EDARADD: variants seen among roughly 807,000 people sequenced by gnomAD.
The protein encoded by EDARADD is EDAR associated via death domain.
A neutral mutation model predicts 25.6 loss-of-function variants in EDARADD; 20 were observed. The observed-to-expected ratio is 0.78, with a 90% CI of 0.55 to 1.14. The LOEUF (loss-of-function observed/expected upper bound fraction) is 1.14. Ranked by LOEUF, EDARADD falls within the 50% of genes most tolerant of loss-of-function variation. The probability of loss-of-function intolerance (pLI) is 0.00; values close to 1 mark genes in which losing one functional copy is unlikely to be tolerated. For synonymous variants in EDARADD, 86 were observed against 94.4 expected (o/e 0.91, Z 0.52); for missense variants, 225 against 270.1 (o/e 0.83, Z 1.17).
chr1:236,370,916 T>A (rs1469742610), intron 3 of EDARADD, among the ~76,000 whole-genome samples: 1 of 152,246 alleles, frequency 6.6e-6, no homozygotes, highest in East Asian at 1.9e-4. Context: ...ACTAAGTTTC[T>A]TTCAAAGTTA....
At chr1:236,412,451 C>T (rs549120646) in intron 2 of EDARADD, among the ~76,000 whole-genome samples, 24 of 152,292 alleles carry the variant, frequency 1.6e-4, no homozygotes, top group Middle Eastern at 3.4e-3. Context: ...TTCCCGAGAA[C>T]CTAGAAGGGC....
chr1:236,363,971 G>T (rs649454), intron 3 of EDARADD, among the ~76,000 whole-genome samples: 52,071 of 151,648 alleles, frequency 0.34, 9,185 homozygotes, highest in African/African-American at 0.42. Flanking sequence ...TTCGAGACCA[G>T]CCTGGACAAC....
At chr1:236,351,885 T>G (rs1282573526) in intron 3 of EDARADD, among the ~76,000 whole-genome samples, 2 of 151,998 alleles carry the variant, frequency 1.3e-5, no homozygotes, top group African/African-American at 4.8e-5. Flanking sequence ...TGAATATTCA[T>G]GAGAATTCCT....
In EDARADD at chr1:236,409,215, G is replaced by C. The variant is rs773039572; in HGVS notation, c.62-1G>C. ...TTTGTTTGTTTTTGTTCTTTTTACA[G>C]ATCATATGGTAAAGGAACCAGTGGA... On this transcript the variant is annotated splice_acceptor_variant, in intron 1 of 5. Coordinates refer to ENST00000334232, the MANE Select transcript of EDARADD (RefSeq NM_145861.4). LOFTEE classifies it high-confidence loss of function. The C allele has an allele frequency of 6.2e-7, 1 of 1,610,618 alleles. No homozygotes were observed. Among genetic ancestry groups the C allele is most frequent in the South Asian group, 1.1e-5 (1 of 90,096 alleles).
At chr1:236,378,318 G>C (rs1667250042) in intron 3 of EDARADD, among the ~76,000 whole-genome samples, 1 of 152,188 alleles carries the variant, frequency 6.6e-6, no homozygotes, top group African/African-American at 2.4e-5. Context: ...GTGTGAACCT[G>C]GGGGAGCTTC....
At chr1:236,433,320 G>A (rs975805990) in intron 4 of EDARADD, among the ~76,000 whole-genome samples, 19 of 151,700 alleles carry the variant, frequency 1.3e-4, no homozygotes, top group Non-Finnish European at 5.9e-5. Flanking sequence ...ACTTTGGGGG[G>A]GGCCGAGGCA....
chr1:236,484,674 C>T lies in EDARADD; in HGVS notation c.*2025C>T. The T allele has an allele frequency of 2.3e-6, 1 of 430,834 alleles. No homozygotes were observed. The highest frequency in any genetic ancestry group is 2.4e-5 in the South Asian group (1 of 42,258). 26.7% of individuals were successfully genotyped at this position (430,834 alleles called of 1,614,324 possible). A position where few individuals can be genotyped will look rare whatever the true frequency, so the allele number is the denominator to read the frequency against. On this transcript the variant is annotated 3_prime_UTR_variant, in exon 6 of 6. Coordinates refer to ENST00000334232, the MANE Select transcript of EDARADD (RefSeq NM_145861.4). The surrounding 1 kb of genome is among the most constrained non-coding windows in gnomAD (Gnocchi z 4.1). The stretch of plus-strand genomic sequence containing the variant: ...AGTGAGCCGAGATTGCGCCACTGCA[C>T]ACCAGTCTGGAGACAGAGTGAGAGT...
At chr1:236,356,636 TA>T (rs1441687918) in intron 3 of EDARADD, among the ~76,000 whole-genome samples, 3 of 151,968 alleles carry the variant, frequency 2.0e-5, no homozygotes, top group Admixed American at 1.3e-4. Context: ...AATGGCAAAA[TA>T]AATTAAATGA....
At chr1:236,446,824 A>T (rs1477098611) in intron 4 of EDARADD, among the ~76,000 whole-genome samples, 1 of 152,228 alleles carries the variant, frequency 6.6e-6, no homozygotes, top group East Asian at 1.9e-4. Context: ...TTAAGGACAG[A>T]GAGGCTGTCC....
At chr1:236,474,064 C>T (rs538414407) in intron 5 of EDARADD, among the ~76,000 whole-genome samples, 3 of 152,276 alleles carry the variant, frequency 2.0e-5, no homozygotes, top group East Asian at 1.9e-4. Context: ...AGGAGTCTGA[C>T]GTTCCTAGAG....
At chr1:236,480,699 A>T (rs1465542402) in intron 5 of EDARADD, among the ~76,000 whole-genome samples, 1 of 152,210 alleles carries the variant, frequency 6.6e-6, no homozygotes, top group Non-Finnish European at 1.5e-5. Flanking sequence ...CAGAGGGTTC[A>T]TGAGACTCAG....
At chr1:236,404,509 G>A (rs945896202) in intron 1 of EDARADD, among the ~76,000 whole-genome samples, 2 of 152,182 alleles carry the variant, frequency 1.3e-5, no homozygotes, top group Non-Finnish European at 1.5e-5. Flanking sequence ...TAACATGTAT[G>A]TAAGAACTTA....
At chr1:236,420,391 C>T (rs1657754621) in intron 3 of EDARADD, among the ~76,000 whole-genome samples, 1 of 152,138 alleles carries the variant, frequency 6.6e-6, no homozygotes, top group Non-Finnish European at 1.5e-5. Flanking sequence ...AGAGTATGGC[C>T]TTGAATTCTG....
At chr1:236,462,227 A>G (rs1659057641) in intron 4 of EDARADD, among the ~76,000 whole-genome samples, 1 of 151,706 alleles carries the variant, frequency 6.6e-6, no homozygotes, top group East Asian at 1.9e-4. Flanking sequence ...GTTGCTGTGA[A>G]TCTCCTAGTT....
chr1:236,380,608 C>A, intron 3 of EDARADD, among the ~76,000 whole-genome samples: 1 of 152,160 alleles, frequency 6.6e-6, no homozygotes, highest in Non-Finnish European at 1.5e-5. Flanking sequence ...AAGAACATTA[C>A]AGACAAAGCT....
rs1667491620 is a variant in EDARADD, at chr1:236,395,207, T to C, written c.61+702T>C. Among the ~76,000 whole-genome samples, 1 of 152,128 alleles carries C rather than the reference T, an allele frequency of 6.6e-6. No individual in the cohort carries two copies. ...CTTAAGGCCAGTCCTTCGCTCGCAG[T>C]CTGTCCCGGGCGGCAGTCGTGTCAG... On this transcript the variant is annotated intron_variant, in intron 1 of 5. Coordinates refer to ENST00000334232, the MANE Select transcript of EDARADD (RefSeq NM_145861.4). This position sits in a 1 kb window ranked among gnomAD's most constrained non-coding sequence, Gnocchi z 6.9.
chr1:236,452,260 G>A (rs1347813831), intron 4 of EDARADD, among the ~76,000 whole-genome samples: 3 of 152,306 alleles, frequency 2.0e-5, no homozygotes, highest in East Asian at 3.9e-4. Context: ...CAGAGGGAGG[G>A]CAGCAGCCCC....
chr1:236,428,391 C>T (rs114170286), intron 4 of EDARADD, among the ~76,000 whole-genome samples: 67,836 of 151,560 alleles, frequency 0.45, 17,418 homozygotes, highest in Non-Finnish European at 0.59. Flanking sequence ...GACGCAGTAA[C>T]AATCCGATCT....
At chr1:236,469,509 T>A (rs570446871) in intron 5 of EDARADD, among the ~76,000 whole-genome samples, 9 of 151,958 alleles carry the variant, frequency 5.9e-5, no homozygotes, top group Non-Finnish European at 7.4e-5. Flanking sequence ...ATAATAATAA[T>A]AAAACATACC....
Sources: gnomAD v4.1 joint callset for allele counts (sites outside exome capture counted in the v4.1 genomes callset) on GRCh38, gnomAD v4.1.1 for gene constraint, Gnocchi (gnomAD v3.1) non-coding constraint, MANE v1.5 for transcripts, NCBI Gene and HGNC (gene_info 2026-07-23, HGNC 2026-07-21) for gene names.